Variants in SUGCT observed in about 807,000 individuals in gnomAD.
SUGCT encodes succinyl-CoA:glutarate-CoA transferase.
SUGCT carries 41 observed loss-of-function variants against 55.0 expected under a neutral mutation model. That is an observed-to-expected ratio of 0.74 (90% CI 0.58 to 0.97). The LOEUF (loss-of-function observed/expected upper bound fraction) is 0.97. SUGCT is among the 50% of genes least tolerant of loss of function. SUGCT has a pLI of 0.00. For missense variants in SUGCT, 568 were observed against 547.8 expected (o/e 1.04, Z -0.37); for synonymous variants, 187 against 200.4 (o/e 0.93, Z 0.56).
intron 12 of SUGCT, among the ~76,000 whole-genome samples, chr7:40,590,037 T>G (rs924324545): frequency 7.2e-5 from 11 of 152,230 alleles, no homozygotes; most frequent in African/African-American, 2.7e-4. Context: ...TGTCACGTTT[T>G]GGTATTTCTC....
chr7:40,197,660 A>C (rs184759143), intron 6 of SUGCT, among the ~76,000 whole-genome samples: 13 of 152,352 alleles, frequency 8.5e-5, no homozygotes, highest in African/African-American at 3.1e-4. Flanking sequence ...CTCCCAATGC[A>C]TCTGCTAACA....
chr7:40,365,574 A>C (rs959884353), intron 9 of SUGCT, among the ~76,000 whole-genome samples: 6 of 152,188 alleles, frequency 3.9e-5, no homozygotes, highest in Non-Finnish European at 8.8e-5. Flanking sequence ...GTCTCAGGAT[A>C]CAAAATCAAT....
chr7:40,328,494 G>T (rs373699106), intron 9 of SUGCT, among the ~76,000 whole-genome samples: 5 of 152,214 alleles, frequency 3.3e-5, no homozygotes, highest in African/African-American at 1.2e-4. Context: ...GAATATTTGG[G>T]ACATGAGGAG....
chr7:40,299,558 C>T (rs1375487806), intron 8 of SUGCT, among the ~76,000 whole-genome samples: 4 of 152,024 alleles, frequency 2.6e-5, no homozygotes, highest in Admixed American at 2.6e-4. Flanking sequence ...TGCAGCACAC[C>T]ACTAGCCCCA....
At chr7:40,548,277 C>A (rs1350388122) in intron 12 of SUGCT, among the ~76,000 whole-genome samples, 1 of 144,444 alleles carries the variant, frequency 6.9e-6, no homozygotes, top group African/African-American at 2.6e-5. Flanking sequence ...CAGCTTCGAA[C>A]TCATGGGCTC....
intron 12 of SUGCT, among the ~76,000 whole-genome samples, chr7:40,589,150 ATGTGTGTGTG>A (rs148183852): frequency 6.7e-6 from 1 of 150,278 alleles, no homozygotes; most frequent in Non-Finnish European, 1.5e-5. Context: ...ATGTACATAT[ATGTGTGTGTG>A]TGTGTGTGCT....
chr7:40,967,888 C>T, the SUGCT span, among the ~76,000 whole-genome samples: 869 of 152,284 alleles, frequency 5.7e-3, 5 homozygotes, highest in Admixed American at 8.4e-3. Context: ...CATACAATAA[C>T]CACAAGAACC....
In SUGCT at chr7:40,544,420, T is replaced by C. The variant is rs1794877505; in HGVS notation, c.1089+48034T>C. 2.6e-5 allele frequency among the ~76,000 whole-genome samples: 4 copies of C among 152,170 alleles called. No individual in the cohort carries two copies. In the South Asian group the frequency reaches 8.3e-4, roughly 32 times the overall value. On this transcript the variant is annotated intron_variant, in intron 12 of 13. Coordinates refer to ENST00000335693, the MANE Select transcript of SUGCT (RefSeq NM_001193313.2). Reference sequence around the variant, plus strand: ...CCCTCTGACCCAGACGAAGGAAGAATCTTCTTTGCAGCGGGCTTGCTGCAA... The same window carrying C: ...CCCTCTGACCCAGACGAAGGAAGAACCTTCTTTGCAGCGGGCTTGCTGCAA...
chr7:40,915,998 C>A, the SUGCT span, among the ~76,000 whole-genome samples: 1 of 106,062 alleles, frequency 9.4e-6, no homozygotes, highest in African/African-American at 5.2e-5. Context: ...CTTTTTCTTT[C>A]TGGAGACTGA....
At chr7:40,597,378 A>G (rs571338701) in intron 12 of SUGCT, among the ~76,000 whole-genome samples, 3 of 152,176 alleles carry the variant, frequency 2.0e-5, no homozygotes, top group Non-Finnish European at 2.9e-5. Context: ...GGAAACATCT[A>G]TGAGCAATAT....
At chr7:40,430,210 A>G (rs1289819126) in intron 9 of SUGCT, among the ~76,000 whole-genome samples, 2 of 152,136 alleles carry the variant, frequency 1.3e-5, no homozygotes, top group East Asian at 3.9e-4. Flanking sequence ...GTCATATGCT[A>G]GTTCTATTTT....
intron 6 of SUGCT, among the ~76,000 whole-genome samples, chr7:40,224,932 G>A (rs1788244107): frequency 6.6e-6 from 1 of 152,180 alleles, no homozygotes; most frequent in African/African-American, 2.4e-5. Context: ...GCTGTCTATA[G>A]GGGCATCCAC....
intron 12 of SUGCT, among the ~76,000 whole-genome samples, chr7:40,656,699 G>C (rs1041296481): frequency 6.6e-6 from 1 of 152,178 alleles, no homozygotes; most frequent in Non-Finnish European, 1.5e-5. Flanking sequence ...AATGAGGAAT[G>C]TCTGCAAACA....
chr7:40,742,634 G>A (rs948461786), intron 12 of SUGCT, among the ~76,000 whole-genome samples: 35 of 152,168 alleles, frequency 2.3e-4, no homozygotes, highest in Middle Eastern at 3.4e-3. Context: ...GCCAAGGACC[G>A]GTACTGGTTT....
intron 13 of SUGCT, among the ~76,000 whole-genome samples, chr7:40,833,091 G>C (rs1238539581): frequency 6.6e-6 from 1 of 151,432 alleles, no homozygotes; most frequent in East Asian, 1.9e-4. Context: ...TTTTTCAGCA[G>C]TCCATTTTTT....
At chr7:40,173,215 C>T (rs1379608493) in intron 1 of SUGCT, among the ~76,000 whole-genome samples, 1 of 152,182 alleles carries the variant, frequency 6.6e-6, no homozygotes, top group African/African-American at 2.4e-5. Flanking sequence ...GTGTTCAGCT[C>T]GATTAGGACA....
chr7:40,392,403 T>A (rs1785488992), intron 9 of SUGCT, among the ~76,000 whole-genome samples: 1 of 152,136 alleles, frequency 6.6e-6, no homozygotes, highest in Non-Finnish European at 1.5e-5. Flanking sequence ...CTAGGATTCA[T>A]GAATCTTAAA....
In SUGCT at chr7:40,584,700, T is replaced by C. The variant is rs560575103; in HGVS notation, c.1089+88314T>C. ...AATTAAATGAGGTGATAGAGCTAGA[T>C]GGTGATAGAGCTGGGATTGGCATAT... On this transcript the variant is annotated intron_variant, in intron 12 of 13. Transcript: ENST00000335693. Among the ~76,000 whole-genome samples, 26 of 152,326 alleles carry C rather than the reference T, an allele frequency of 1.7e-4. No individual in the cohort carries two copies. In the South Asian group the frequency reaches 4.8e-3, roughly 28 times the overall value.
At chr7:40,404,809 C>T (rs113323675) in intron 9 of SUGCT, among the ~76,000 whole-genome samples, 28 of 152,108 alleles carry the variant, frequency 1.8e-4, no homozygotes, top group African/African-American at 5.6e-4. Flanking sequence ...CATAACTTCT[C>T]GTAGAGAAAA....
Sources: gnomAD v4.1 joint callset for allele counts (sites outside exome capture counted in the v4.1 genomes callset) on GRCh38, gnomAD v4.1.1 for gene constraint, MANE v1.5 for transcripts, NCBI Gene and HGNC (gene_info 2026-07-23, HGNC 2026-07-21) for gene names.